The following HSD17B11 variants were observed in gnomAD, a reference collection of about 807,000 sequenced individuals.
HSD17B11 encodes estradiol 17-beta-dehydrogenase 11.
Under a neutral mutation model 27.8 loss-of-function variants are expected in HSD17B11, and 22 were observed. The observed-to-expected ratio is 0.79, with a 90% confidence interval of 0.56 to 1.13. The LOEUF is 1.13. Among genes scored for constraint, HSD17B11 ranks in the 50% most tolerant of loss-of-function variants. The probability of loss-of-function intolerance (pLI) is 0.00; values close to 1 mark genes in which losing one functional copy is unlikely to be tolerated. For missense variants in HSD17B11, 314 were observed against 351.1 expected, an observed-to-expected ratio of 0.89 and a Z score of 0.84; for synonymous variants, 117 against 132.8, an observed-to-expected ratio of 0.88 and a Z score of 0.82.
Position 87,357,300 on chromosome 4 carries a change from A to C in HSD17B11, c.674T>G (p.Phe225Cys), listed in dbSNP as rs1354153839. The change falls in exon 5 of 7, where the codon TTC becomes TGC. Residue 225 changes from phenylalanine to cysteine, a missense_variant. Physicochemically the swap from Phe to Cys is radical, Grantham distance 205 (BLOSUM62 -2). Coordinates refer to ENST00000358290, the MANE Select transcript of HSD17B11 (RefSeq NM_016245.5). Reference sequence around the variant, plus strand: ...TTACCTTGTACTTGGATTTTTGATGAAGCCAGTGTTTACGAAATTAGGACA... The same window carrying C: ...TTACCTTGTACTTGGATTTTTGATGCAGCCAGTGTTTACGAAATTAGGACA... The part of the protein sequence containing the change: ...CLCPNFVNTG[F>C]IKNPSTSLGP... 1 of 1,611,500 alleles carries C rather than the reference A, an allele frequency of 6.2e-7. No individual in the cohort carries two copies. The highest frequency in any genetic ancestry group is 8.5e-7 in the Non-Finnish European group (1 of 1,179,282).
At chr4:87,368,646 G>A (rs1165811358) in intron 4 of HSD17B11, among the ~76,000 whole-genome samples, 1 of 152,184 alleles carries the variant, frequency 6.6e-6, no homozygotes, top group African/African-American at 2.4e-5. Flanking sequence ...CGCATTCTAA[G>A]TCACAGGATG....
intron 2 of HSD17B11, among the ~76,000 whole-genome samples, chr4:87,378,926 ATAAATATATATATATATATATT>A (rs1560769563): frequency 2.4e-4 from 3 of 12,580 alleles, no homozygotes; most frequent in African/African-American, 1.1e-3. Flanking sequence ...ATAAATATAT[ATAAATATATATATATATATATT>A]TATATATATA....
chr4:87,347,105 T>TA lies in HSD17B11; in HGVS notation c.696-6500_696-6499insT, dbSNP rs1405502918. Among the ~76,000 whole-genome samples the TA allele has an allele frequency of 9.3e-4, 88 of 94,872 alleles. 3 individuals carry two copies. Among genetic ancestry groups the TA allele is most frequent in the Admixed American group, 2.0e-3 (21 of 10,528 alleles). The allele number at this position is 94,872 out of a possible 152,430, so 62.2% of individuals were successfully genotyped here. The stretch of plus-strand genomic sequence containing the variant: ...TAGGGTTGTTTTTAGTATTCTGGAT[T>TA]TTTTTTTTTTCTTTTTTTTTTTTTT... On this transcript the variant is annotated intron_variant, in intron 5 of 6. Transcript: ENST00000358290.
rs758657780 is a variant in HSD17B11, at chr4:87,357,431, T to C, written c.558-15A>G. The C allele has an allele frequency of 1.4e-5, 22 of 1,606,774 alleles. No individual in the cohort carries two copies. The highest frequency in any genetic ancestry group is 1.3e-5 in the Non-Finnish European group (15 of 1,176,996). On this transcript the variant is annotated splice_polypyrimidine_tract_variant and intron_variant, in intron 4 of 6. Coordinates refer to ENST00000358290, the MANE Select transcript of HSD17B11 (RefSeq NM_016245.5). Reference sequence around the variant, plus strand: ...ACTTGCTTGAACTGAAAATAGAGAGTTTACAAAATAATTCAAGAATTCTGA... The same window carrying C: ...ACTTGCTTGAACTGAAAATAGAGAGCTTACAAAATAATTCAAGAATTCTGA...
At chr4:87,354,368 C>A (rs1041824014) in intron 5 of HSD17B11, among the ~76,000 whole-genome samples, 2 of 151,932 alleles carry the variant, frequency 1.3e-5, no homozygotes, top group African/African-American at 4.8e-5. Context: ...GCCTGTAATC[C>A]CAGCACTTTG....
At chr4:87,370,367 C>T (rs1462600486) in intron 4 of HSD17B11, among the ~76,000 whole-genome samples, 1 of 152,124 alleles carries the variant, frequency 6.6e-6, no homozygotes, top group African/African-American at 2.4e-5. Context: ...AAGTGCAATA[C>T]ATTGTATGAT....
chr4:87,368,206 A>C (rs1373215026), intron 4 of HSD17B11, among the ~76,000 whole-genome samples: 1 of 152,108 alleles, frequency 6.6e-6, no homozygotes, highest in African/African-American at 2.4e-5. Context: ...AGTCCCAGCT[A>C]CTCAGGAGGC....
At chr4:87,385,179 C>T (rs1720276245) in intron 1 of HSD17B11, among the ~76,000 whole-genome samples, 2 of 152,124 alleles carry the variant, frequency 1.3e-5, no homozygotes, top group Admixed American at 1.3e-4. Context: ...CTATACTTAA[C>T]CAGCAGCTTT....
chr4:87,346,993 A>C (rs1735282685), intron 5 of HSD17B11, among the ~76,000 whole-genome samples: 1 of 151,930 alleles, frequency 6.6e-6, no homozygotes, highest in African/African-American at 2.4e-5. Context: ...AATTCCAATA[A>C]ACCCAGATTA....
At position 87,390,757 on chromosome 4, in the gene HSD17B11, C is replaced by T; in HGVS notation, c.210+104G>A. 1.4e-5 allele frequency: 13 copies of T among 942,850 alleles called. No homozygotes were observed. The Admixed American group carries it at 1.5e-4, about 11-fold the overall frequency. 58.4% of individuals were successfully genotyped at this position (942,850 alleles called of 1,614,324 possible). ...AAAATGGCAATACTAATTTTTTTTTCCTCCCTGCTTTGCAGAGATGAGGTA... is the reference window on the plus strand; with the variant it reads ...AAAATGGCAATACTAATTTTTTTTTTCTCCCTGCTTTGCAGAGATGAGGTA... On this transcript the variant is annotated intron_variant, in intron 1 of 6. Transcript: ENST00000358290.
chr4:87,346,467 G>A (rs1256258086), intron 5 of HSD17B11, among the ~76,000 whole-genome samples: 1 of 151,970 alleles, frequency 6.6e-6, no homozygotes, highest in African/African-American at 2.4e-5. Context: ...TGGCCCACAT[G>A]GCAAAACCCC....
rs540036603 is a variant in HSD17B11, at chr4:87,365,771, A to C, written c.557+6938T>G. Among the ~76,000 whole-genome samples, 388 of 152,212 alleles carry C rather than the reference A, an allele frequency of 2.5e-3. 2 individuals carry two copies. The highest frequency in any genetic ancestry group is 3.4e-3 in the Non-Finnish European group (234 of 68,002). ...TGGTTAAAAAAAAAATTGTAAGAAG[A>C]AGCATGGGAATGCGGATTATTTTCT... On this transcript the variant is annotated intron_variant, in intron 4 of 6. Transcript: ENST00000358290.
At chr4:87,353,481 G>C (rs991254869) in intron 5 of HSD17B11, among the ~76,000 whole-genome samples, 3 of 152,194 alleles carry the variant, frequency 2.0e-5, no homozygotes, top group Admixed American at 6.5e-5. Flanking sequence ...CATCTTTGGG[G>C]TCTACTTTAG....
chr4:87,338,414 AAT>A (rs1264380252), intron 6 of HSD17B11, among the ~76,000 whole-genome samples: 1 of 152,248 alleles, frequency 6.6e-6, no homozygotes, highest in Non-Finnish European at 1.5e-5. Flanking sequence ...AGGGTTTGGA[AAT>A]ATGACACCAA....
intron 6 of HSD17B11, 65 bp from the exon 7 acceptor site, chr4:87,337,431 T>C: frequency 1.1e-6 from 1 of 904,822 alleles, no homozygotes; most frequent in South Asian, 1.4e-5. Context: ...GAATACCCTC[T>C]TTAGAAATAC....
At chr4:87,358,417 T>C (rs569833142) in intron 4 of HSD17B11, among the ~76,000 whole-genome samples, 5 of 152,304 alleles carry the variant, frequency 3.3e-5, no homozygotes, top group Middle Eastern at 3.4e-3. Flanking sequence ...GCAAAGCGTT[T>C]ATTTTAACAG....
At chr4:87,365,370 T>C (rs1735596111) in intron 4 of HSD17B11, among the ~76,000 whole-genome samples, 1 of 152,256 alleles carries the variant, frequency 6.6e-6, no homozygotes, top group African/African-American at 2.4e-5. Flanking sequence ...TTTTAAAGTT[T>C]ATTGGTAAAA....
chr4:87,359,565 C>T lies in HSD17B11; in HGVS notation c.558-2149G>A, dbSNP rs146228371. ...TATTGTAGAGATGTGGGTCTCGCTA[C>T]GTTGCATAGGCTGGTTTCAAACTCC... is the stretch of plus-strand genomic sequence containing the variant. On this transcript the variant is annotated intron_variant, in intron 4 of 6. Transcript: ENST00000358290. Among the ~76,000 whole-genome samples, 514 of 152,248 alleles carry T rather than the reference C, an allele frequency of 3.4e-3. 4 individuals are homozygous for T. Among genetic ancestry groups the T allele is most frequent in the Middle Eastern group, 0.02 (6 of 294 alleles).
rs1384888876 is a variant in HSD17B11, at chr4:87,340,754, A to G, written c.696-148T>C. The G allele has an allele frequency of 1.1e-5, 6 of 532,214 alleles. No homozygotes were observed. The East Asian group carries it at 1.7e-4, about 15-fold the overall frequency. The allele number at this position is 532,214 out of a possible 1,614,324, so 33.0% of individuals were successfully genotyped here. On this transcript the variant is annotated intron_variant, in intron 5 of 6. Transcript: ENST00000358290. ...CCTAGTATAGGTGCTCAGAAATGGT[A>G]GCTACTTTACCATTGATAATAATAA...
Sources: allele counts gnomAD v4.1 joint callset (sites outside exome capture counted in the v4.1 genomes callset), GRCh38; gene constraint gnomAD v4.1.1; transcripts MANE v1.5; gene names NCBI Gene and HGNC (gene_info 2026-07-23, HGNC 2026-07-21).